Variants in EYS observed in about 807,000 individuals in gnomAD.
EYS encodes protein eyes shut homolog.
A neutral mutation model predicts 282.1 loss-of-function variants in EYS; 250 were observed. The observed-to-expected ratio is 0.89, with a 90% CI of 0.80 to 0.98. EYS has a LOEUF of 0.98. EYS is among the 50% of genes least tolerant of loss of function. The pLI, the probability that EYS is intolerant of heterozygous loss-of-function variation, is 0.00. For missense variants in EYS, 4,016 were observed against 3,709.0 expected (o/e 1.08, Z -2.15); for synonymous variants, 1,355 against 1,282.9 (o/e 1.06, Z -1.20).
chr6:65,563,680 T>C (rs1227704671), intron 2 of EYS, among the ~76,000 whole-genome samples: 2 of 152,090 alleles, frequency 1.3e-5, no homozygotes, highest in Admixed American at 1.3e-4. Context: ...CTTAAAACTG[T>C]GAATCAGATT....
chr6:64,969,320 A>G (rs1274647499), intron 14 of EYS, among the ~76,000 whole-genome samples: 1 of 152,222 alleles, frequency 6.6e-6, no homozygotes, highest in Non-Finnish European at 1.5e-5. Flanking sequence ...CTGGATCAGG[A>G]TACCAGAGAA....
intron 2 of EYS, among the ~76,000 whole-genome samples, chr6:65,504,498 C>G (rs182815506): frequency 6.6e-6 from 1 of 151,752 alleles, no homozygotes; most frequent in African/African-American, 2.4e-5. Flanking sequence ...AGGAAAGTAT[C>G]CATTTTTCTA....
At chr6:65,560,959 G>A (rs964591301) in intron 2 of EYS, among the ~76,000 whole-genome samples, 16 of 151,606 alleles carry the variant, frequency 1.1e-4, no homozygotes, top group African/African-American at 3.6e-4. Flanking sequence ...AAGACCTATT[G>A]GTACTTTGTT....
intron 12 of EYS, among the ~76,000 whole-genome samples, chr6:65,144,105 C>T (rs1052758966): frequency 6.6e-6 from 1 of 152,052 alleles, no homozygotes; most frequent in Non-Finnish European, 1.5e-5. Context: ...CCTCTCAATG[C>T]CTGCTAAACT....
At chr6:64,038,147 G>T (rs1012029559) in intron 33 of EYS, among the ~76,000 whole-genome samples, 1 of 151,166 alleles carries the variant, frequency 6.6e-6, no homozygotes, top group Non-Finnish European at 1.5e-5. Flanking sequence ...GAGGCTGGGG[G>T]TTAAGTGGGG....
rs975742829 is a variant in EYS at position 65,702,605 on chromosome 6, T to C, written c.-448+4530A>G. ...TAATTGGGATGCAGAGGCAGGAGAATCGCTTGACCCTGGGAGGTGGTGGTT... is the reference window on the plus strand; with the variant it reads ...TAATTGGGATGCAGAGGCAGGAGAACCGCTTGACCCTGGGAGGTGGTGGTT... On this transcript the variant is annotated intron_variant, in intron 1 of 42. Coordinates refer to ENST00000503581, the MANE Select transcript of EYS (RefSeq NM_001142800.2). Among the ~76,000 whole-genome samples the C allele has an allele frequency of 2.6e-5, 4 of 152,220 alleles. 1 individual carries two copies. In the South Asian group the frequency reaches 8.3e-4, roughly 32 times the overall value.
chr6:64,686,178 A>C (rs1713228189), intron 22 of EYS, among the ~76,000 whole-genome samples: 1 of 152,038 alleles, frequency 6.6e-6, no homozygotes, highest in South Asian at 2.1e-4. Flanking sequence ...ATGAGAAAAT[A>C]AGAAAAATTT....
At chr6:64,058,317 G>T (rs1771054168) in intron 33 of EYS, among the ~76,000 whole-genome samples, 1 of 151,824 alleles carries the variant, frequency 6.6e-6, no homozygotes, top group Admixed American at 6.6e-5. Context: ...AACTCAGTGA[G>T]AATTATTCTA....
chr6:65,691,333 T>C (rs1562331202), intron 1 of EYS, among the ~76,000 whole-genome samples: 1 of 150,456 alleles, frequency 6.6e-6, no homozygotes, highest in Non-Finnish European at 1.5e-5. Context: ...TAATGACCAG[T>C]GATGATGAGC....
chr6:65,618,404 G>T (rs558468176), intron 2 of EYS, among the ~76,000 whole-genome samples: 1 of 152,162 alleles, frequency 6.6e-6, no homozygotes, highest in South Asian at 2.1e-4. Context: ...GGGGCTGTTT[G>T]TTTTTTTCTT....
At chr6:64,691,344 C>T (rs1770375255) in intron 22 of EYS, among the ~76,000 whole-genome samples, 1 of 152,092 alleles carries the variant, frequency 6.6e-6, no homozygotes, top group South Asian at 2.1e-4. Flanking sequence ...TGCGTCTATA[C>T]ACAGAGAACA....
At chr6:64,950,473 A>C (rs116454166) in intron 14 of EYS, among the ~76,000 whole-genome samples, 1 of 151,860 alleles carries the variant, frequency 6.6e-6, no homozygotes, top group East Asian at 1.9e-4. Context: ...TCAAAAAAAC[A>C]TAAATTTAGA....
At chr6:64,642,072 A>C (rs1489064841) in intron 22 of EYS, among the ~76,000 whole-genome samples, 1 of 152,156 alleles carries the variant, frequency 6.6e-6, no homozygotes, top group Non-Finnish European at 1.5e-5. Flanking sequence ...AATAACATGA[A>C]GACAGAAAGA....
chr6:63,919,676 C>T (rs1421788550), intron 35 of EYS, among the ~76,000 whole-genome samples: 5 of 152,206 alleles, frequency 3.3e-5, no homozygotes, highest in Admixed American at 2.6e-4. Flanking sequence ...GGGATGATTT[C>T]CCTAGGTGAA....
chr6:64,080,436 T>A (rs1187150828), intron 32 of EYS, among the ~76,000 whole-genome samples: 139 of 145,914 alleles, frequency 9.5e-4, no homozygotes, highest in African/African-American at 1.2e-3. Context: ...ATTTGAGTTC[T>A]TTGTAGATTC....
intron 15 of EYS, among the ~76,000 whole-genome samples, chr6:64,940,978 G>A (rs920686624): frequency 6.6e-6 from 1 of 152,034 alleles, no homozygotes; most frequent in African/African-American, 2.4e-5. Context: ...GAGTGTGTTT[G>A]TATGCAATTC....
At chr6:64,410,245 G>A (rs1773843898) in intron 28 of EYS, among the ~76,000 whole-genome samples, 1 of 152,056 alleles carries the variant, frequency 6.6e-6, no homozygotes, top group African/African-American at 2.4e-5. Flanking sequence ...ATTCCCTGAT[G>A]GCTGATGGAA....
At chr6:63,816,288 T>G (rs1311151520) in intron 36 of EYS, among the ~76,000 whole-genome samples, 2 of 152,130 alleles carry the variant, frequency 1.3e-5, no homozygotes, top group Non-Finnish European at 2.9e-5. Context: ...CAAACTATAA[T>G]GGAGTATTAT....
chr6:65,100,720 T>C (rs1368270351), intron 12 of EYS, among the ~76,000 whole-genome samples: 1 of 150,616 alleles, frequency 6.6e-6, no homozygotes, highest in Non-Finnish European at 1.5e-5. Flanking sequence ...TGGAAAAGTC[T>C]ATTGCTGACT....
Sources: allele counts gnomAD v4.1 joint callset (sites outside exome capture counted in the v4.1 genomes callset), GRCh38; gene constraint gnomAD v4.1.1; transcripts MANE v1.5; gene names NCBI Gene and HGNC (gene_info 2026-07-23, HGNC 2026-07-21).